RAD52: variants seen among roughly 807,000 people sequenced by gnomAD.
RAD52 encodes RAD52 DNA repair protein, also known as DNA repair protein RAD52 homolog.
Under a neutral mutation model 55.5 loss-of-function variants are expected in RAD52, and 47 were observed. That is an observed-to-expected ratio of 0.85 (90% confidence interval 0.67 to 1.08). RAD52 has a LOEUF of 1.08. Ranked by LOEUF, RAD52 falls within the 50% of genes least tolerant of loss-of-function variation. The pLI, the probability that RAD52 is intolerant of heterozygous loss-of-function variation, is 0.00. For missense variants in RAD52, 468 were observed against 522.8 expected (o/e 0.90, Z 1.02); for synonymous variants, 184 against 198.9 (o/e 0.92, Z 0.63).
At chr12:988,311 A>G (rs1365216444) in intron 1 of RAD52, among the ~76,000 whole-genome samples, 1 of 152,152 alleles carries the variant, frequency 6.6e-6, no homozygotes, top group African/African-American at 2.4e-5. Flanking sequence ...ACTTCATCTG[A>G]GTATCCTAGT....
intron 1 of RAD52, among the ~76,000 whole-genome samples, chr12:987,128 G>T (rs1221158809): frequency 6.6e-6 from 1 of 151,912 alleles, no homozygotes; most frequent in Non-Finnish European, 1.5e-5. Flanking sequence ...CCGCCATCAT[G>T]CCTGGCTAAT....
In RAD52 at chr12:986,482, C is replaced by T. The variant is rs531867751; in HGVS notation, c.-19+3327G>A. On this transcript the variant is annotated intron_variant, in intron 1 of 11. Coordinates refer to the RAD52 transcript ENST00000430095. Reference sequence around the variant, plus strand: ...GCTCAAGGGATCCTCCTGCCTTAGCCTCCCAAGTAGCTAAGAACTGCAGGT... The same window carrying T: ...GCTCAAGGGATCCTCCTGCCTTAGCTTCCCAAGTAGCTAAGAACTGCAGGT... 9.2e-5 allele frequency among the ~76,000 whole-genome samples: 14 copies of T among 152,196 alleles called. No homozygotes were observed. The South Asian group carries it at 2.9e-3, about 32-fold the overall frequency.
At chr12:957,324 G>A (rs61917205) in intron 1 of RAD52, among the ~76,000 whole-genome samples, 3 of 151,832 alleles carry the variant, frequency 2.0e-5, no homozygotes, top group South Asian at 2.1e-4. Context: ...TTAGCTGGGC[G>A]TGGTGGTGGG....
intron 1 of RAD52, among the ~76,000 whole-genome samples, chr12:980,207 A>T (rs1958993708): frequency 6.6e-6 from 1 of 151,380 alleles, no homozygotes; most frequent in African/African-American, 2.4e-5. Context: ...GGGGGGTGGA[A>T]GGGGAGGGAA....
At chr12:930,314 G>C (rs1400903217) in intron 3 of RAD52, among the ~76,000 whole-genome samples, 170 bp from the exon 4 acceptor site, 1 of 152,062 alleles carries the variant, frequency 6.6e-6, no homozygotes, top group African/African-American at 2.4e-5. Context: ...AGGAGCTCAA[G>C]GCTGCAGTAA....
chr12:932,859 CTAG>C (rs1565673302), intron 2 of RAD52, 113 bp downstream of exon 2: 20 of 693,828 alleles, frequency 2.9e-5, no homozygotes, highest in South Asian at 1.3e-4. Flanking sequence ...CACACACGTA[CTAG>C]GTAAACGTAC....
At chr12:924,037 C>T (rs552687287) in intron 7 of RAD52, among the ~76,000 whole-genome samples, 302 of 145,594 alleles carry the variant, frequency 2.1e-3, no homozygotes, top group Non-Finnish European at 3.2e-3. Flanking sequence ...CCAGCCTGGG[C>T]GACAGAGTGA....
chr12:950,571 CAAAA>C (rs763764449), upstream of RAD52, among the ~76,000 whole-genome samples: 3 of 132,026 alleles, frequency 2.3e-5, no homozygotes, highest in African/African-American at 8.7e-5. Flanking sequence ...GGCTCCGTCT[CAAAA>C]AAAAAAAAAA....
intron 1 of RAD52, chr12:977,073 A>G (rs1394216478): frequency 6.6e-6 from 1 of 152,388 alleles, no homozygotes; most frequent in Non-Finnish European, 1.5e-5. Flanking sequence ...TTTGGCTGAG[A>G]CAGAAGTAGA....
At chr12:963,484 T>C (rs1958715245) in intron 1 of RAD52, among the ~76,000 whole-genome samples, 1 of 152,162 alleles carries the variant, frequency 6.6e-6, no homozygotes, top group Non-Finnish European at 1.5e-5. Context: ...GTAAATGCTA[T>C]AAAGAAAAAT....
intron 1 of RAD52, among the ~76,000 whole-genome samples, chr12:955,971 G>C (rs753436695): frequency 5.9e-5 from 9 of 152,114 alleles, no homozygotes; most frequent in Non-Finnish European, 1.0e-4. Context: ...AGTAGAGAGA[G>C]GGTTTCACCA....
chr12:913,513 A>G (rs6413436), intron 11 of RAD52, 61 bp from the exon 12 acceptor site: 457,851 of 1,193,692 alleles, frequency 0.38, 91,118 homozygotes, highest in East Asian at 0.52. Context: ...CTGACAGCTA[A>G]TGATTTCTGG....
intron 1 of RAD52, among the ~76,000 whole-genome samples, chr12:971,594 AACT>A (rs1244683140): frequency 6.6e-6 from 1 of 152,150 alleles, no homozygotes; most frequent in East Asian, 1.9e-4. Context: ...ATTTATTCAA[AACT>A]ACTATTATTG....
At chr12:982,656 CTTTTT>C (rs34866890) in intron 1 of RAD52, among the ~76,000 whole-genome samples, 8 of 86,432 alleles carry the variant, frequency 9.3e-5, no homozygotes, top group East Asian at 6.1e-4. Context: ...ACAATCTAGA[CTTTTT>C]TTTTTTTTTT....
At chr12:969,888 TCAGA>T (rs1211587271) in intron 1 of RAD52, among the ~76,000 whole-genome samples, 1 of 152,046 alleles carries the variant, frequency 6.6e-6, no homozygotes, top group Admixed American at 6.6e-5. Context: ...AAGAGGTTTA[TCAGA>T]CAGCATTCCA....
chr12:944,159 TGAGAA>T (rs747725958), intron 1 of RAD52, among the ~76,000 whole-genome samples: 5 of 151,740 alleles, frequency 3.3e-5, no homozygotes, highest in Non-Finnish European at 5.9e-5. Flanking sequence ...GAGGCTGCAG[TGAGAA>T]GAGATCACCC....
At position 911,880 on chromosome 12, in the gene RAD52, G is replaced by A. The variant is rs921350945; in HGVS notation, c.*1511C>T. ...TCTACTAAAAATACAAAAATTAGTC[G>A]GGCGTCGTGGTGGGTGTCTGTAATC... On this transcript the variant is annotated 3_prime_UTR_variant, in exon 12 of 12. Coordinates refer to ENST00000358495, the MANE Select transcript of RAD52 (RefSeq NM_134424.4). Among the ~76,000 whole-genome samples the A allele has an allele frequency of 3.4e-4, 44 of 128,990 alleles. No homozygotes were observed. Among genetic ancestry groups the A allele is most frequent in the Non-Finnish European group, 5.8e-4 (34 of 58,462 alleles). The allele number at this position is 128,990 out of a possible 152,430, so 84.6% of individuals were successfully genotyped here.
intron 1 of RAD52, among the ~76,000 whole-genome samples, chr12:935,283 A>G (rs1957553228): frequency 6.6e-6 from 1 of 152,050 alleles, no homozygotes; most frequent in African/African-American, 2.4e-5. Context: ...ATAGAAATGA[A>G]ACAAATGAAG....
upstream of RAD52, among the ~76,000 whole-genome samples, chr12:954,078 T>A (rs748790596): frequency 2.0e-5 from 3 of 152,202 alleles, no homozygotes; most frequent in Non-Finnish European, 2.9e-5. Flanking sequence ...AAAAATTATA[T>A]TTCTGATTAC....
Sources: allele counts gnomAD v4.1 joint callset (sites outside exome capture counted in the v4.1 genomes callset), GRCh38; gene constraint gnomAD v4.1.1; transcripts MANE v1.5; gene names NCBI Gene and HGNC (gene_info 2026-07-23, HGNC 2026-07-21).